The following EYS variants were observed in gnomAD, a reference collection of about 807,000 sequenced individuals.
EYS encodes the protein protein eyes shut homolog.
A neutral mutation model predicts 282.1 loss-of-function variants in EYS; 250 were observed. The ratio of observed to expected loss-of-function variants is 0.89; its 90% CI spans 0.80 to 0.98. The LOEUF (loss-of-function observed/expected upper bound fraction) is 0.98. EYS is among the 50% of genes least tolerant of loss of function. The pLI is 0.00. For synonymous variants in EYS, 1,355 were observed against 1,282.9 expected (o/e 1.06, Z -1.20); for missense variants, 4,016 against 3,709.0 (o/e 1.08, Z -2.15).
At chr6:64,810,245 G>C (rs950014531) in intron 22 of EYS, among the ~76,000 whole-genome samples, 5 of 152,024 alleles carry the variant, frequency 3.3e-5, no homozygotes, top group South Asian at 2.1e-4. Flanking sequence ...TAAATTATAA[G>C]TTCTCTATAT....
intron 26 of EYS, among the ~76,000 whole-genome samples, chr6:64,541,820 T>C (rs565849165): frequency 1.3e-5 from 2 of 152,200 alleles, no homozygotes; most frequent in African/African-American, 4.8e-5. Context: ...GAATGAAAGA[T>C]GGTAATACAA....
intron 41 of EYS, among the ~76,000 whole-genome samples, chr6:63,742,569 G>T (rs1430621720): frequency 1.3e-5 from 2 of 152,008 alleles, no homozygotes; most frequent in Non-Finnish European, 2.9e-5. Flanking sequence ...CATTTTTTGA[G>T]TACATCCTAA....
intron 11 of EYS, among the ~76,000 whole-genome samples, chr6:65,334,186 T>G (rs775338915): frequency 6.6e-6 from 1 of 151,858 alleles, no homozygotes; most frequent in African/African-American, 2.4e-5. Context: ...CTTTTGTACC[T>G]GTATTTTTTT....
At position 63,808,871 on chromosome 6, in the gene EYS, C is replaced by T. The variant is rs940900113; in HGVS notation, c.7229-2499G>A. Among the ~76,000 whole-genome samples the T allele has an allele frequency of 7.2e-5, 11 of 152,028 alleles. No homozygotes were observed. The East Asian group carries it at 1.7e-3, about 24-fold the overall frequency. On this transcript the variant is annotated intron_variant, in intron 36 of 42. Transcript: ENST00000503581. The stretch of plus-strand genomic sequence containing the variant: ...ATATTATTAATAACATTCCCATATC[C>T]GTTAAACATTGGGTTAAATAAAATA...
At chr6:64,642,934 G>A (rs949093730) in intron 22 of EYS, among the ~76,000 whole-genome samples, 1 of 152,174 alleles carries the variant, frequency 6.6e-6, no homozygotes, top group South Asian at 2.1e-4. Flanking sequence ...TGACCAACAT[G>A]GAGAAACCCC....
At chr6:65,130,467 G>A (rs1484027463) in intron 12 of EYS, among the ~76,000 whole-genome samples, 5 of 151,852 alleles carry the variant, frequency 3.3e-5, no homozygotes, top group East Asian at 1.9e-4. Flanking sequence ...CAGGGAATAC[G>A]ATGCAGTCAT....
At chr6:64,457,532 G>A (rs1235257871) in intron 26 of EYS, among the ~76,000 whole-genome samples, 2 of 151,876 alleles carry the variant, frequency 1.3e-5, no homozygotes, top group East Asian at 3.9e-4. Flanking sequence ...TTCTTTATGT[G>A]TTTAGATCCT....
Position 65,561,613 on chromosome 6 carries a change from T to C in EYS, c.-332-65620A>G, listed in dbSNP as rs114199505. Among the ~76,000 whole-genome samples the C allele has an allele frequency of 6.1e-3, 931 of 152,220 alleles. 11 individuals carry two copies. Among genetic ancestry groups the C allele is most frequent in the African/African-American group, 0.021 (870 of 41,558 alleles). ...TATATTCAAAAGGTAATGTAACAGT[T>C]TTATTTTTAAGTGTCAACATGTACA... On this transcript the variant is annotated intron_variant, in intron 2 of 42. Transcript: ENST00000503581.
At chr6:65,637,433 G>A (rs1478179864) in intron 2 of EYS, among the ~76,000 whole-genome samples, 2 of 152,212 alleles carry the variant, frequency 1.3e-5, no homozygotes, top group Non-Finnish European at 2.9e-5. Flanking sequence ...ATGAGACATG[G>A]ACAGGGTTGC....
intron 31 of EYS, among the ~76,000 whole-genome samples, chr6:64,141,330 G>T (rs1774330808): frequency 6.6e-6 from 1 of 152,174 alleles, no homozygotes; most frequent in South Asian, 2.1e-4. Flanking sequence ...GTCCTGGCAG[G>T]AATAAAGTGA....
intron 19 of EYS, among the ~76,000 whole-genome samples, chr6:64,843,502 G>A (rs1224199388): frequency 1.3e-5 from 2 of 152,188 alleles, no homozygotes; most frequent in Non-Finnish European, 2.9e-5. Context: ...GGAGTCAAAG[G>A]AGATTATTTT....
chr6:63,721,620 A>C lies in EYS; in HGVS notation c.8411T>G (p.Val2804Gly). The C allele has an allele frequency of 6.4e-7, 1 of 1,551,296 alleles. No individual in the cohort carries two copies. Reference protein sequence around the residue: ...EGYLDLDGINVTEKASTKMSS... With the variant: ...EGYLDLDGINGTEKASTKMSS... ...CATTTTAGTGGAGGCCTTTTCTGTT[A>C]CATTTATCCCATCTAGATCCAGGTA... The change falls in exon 43 of 43, where the codon GTA becomes GGA. Residue 2804 changes from valine (V) to glycine (G), a missense_variant. By Grantham distance (109) the Val-to-Gly change is moderately radical. Transcript: ENST00000503581.
At chr6:64,829,859 A>C (rs1331055376) in intron 19 of EYS, among the ~76,000 whole-genome samples, 1 of 151,922 alleles carries the variant, frequency 6.6e-6, no homozygotes, top group African/African-American at 2.4e-5. Context: ...CATTCCTGAA[A>C]ATATAGGTTC....
chr6:65,010,658 C>G (rs1056790351), intron 13 of EYS, among the ~76,000 whole-genome samples: 1 of 152,152 alleles, frequency 6.6e-6, no homozygotes, highest in African/African-American at 2.4e-5. Context: ...TGAAAGTAAT[C>G]CCTTCACTGC....
intron 2 of EYS, among the ~76,000 whole-genome samples, chr6:65,635,491 T>G (rs1767054339): frequency 6.6e-6 from 1 of 152,202 alleles, no homozygotes; most frequent in Admixed American, 6.5e-5. Flanking sequence ...ATTTTGTTAT[T>G]TTTATAGAGA....
At chr6:64,759,214 C>G (rs147394708) in intron 22 of EYS, among the ~76,000 whole-genome samples, 1 of 152,176 alleles carries the variant, frequency 6.6e-6, no homozygotes, top group East Asian at 1.9e-4. Flanking sequence ...TCAAGAGATA[C>G]AGGATTTGGG....
intron 1 of EYS, among the ~76,000 whole-genome samples, chr6:65,642,615 A>C (rs56736103): frequency 4.5e-4 from 68 of 152,190 alleles, no homozygotes; most frequent in African/African-American, 1.5e-3. Context: ...TAGACTCTTC[A>C]TTTTGTTCTA....
At chr6:65,041,672 A>G (rs1343841139) in intron 13 of EYS, among the ~76,000 whole-genome samples, 2 of 151,708 alleles carry the variant, frequency 1.3e-5, no homozygotes, top group African/African-American at 2.4e-5. Flanking sequence ...CTGTTTTATC[A>G]TAGGCCAGTA....
At chr6:65,246,542 C>T (rs767320423) in intron 12 of EYS, among the ~76,000 whole-genome samples, 3 of 152,040 alleles carry the variant, frequency 2.0e-5, no homozygotes, top group Non-Finnish European at 2.9e-5. Flanking sequence ...TTCAATGTGC[C>T]TAACAGAAGC....
Sources: gnomAD v4.1 joint callset for allele counts (sites outside exome capture counted in the v4.1 genomes callset) on GRCh38, gnomAD v4.1.1 for gene constraint, MANE v1.5 for transcripts, NCBI Gene and HGNC (gene_info 2026-07-23, HGNC 2026-07-21) for gene names.